Variants in MYRFL observed in about 807,000 individuals in gnomAD.
MYRFL encodes myelin regulatory factor-like protein.
MYRFL carries 88 observed loss-of-function variants against 109.4 expected under a neutral mutation model. The ratio of observed to expected loss-of-function variants is 0.80; its 90% CI spans 0.68 to 0.96. The LOEUF (loss-of-function observed/expected upper bound fraction) is 0.96. Ranked by LOEUF, MYRFL falls within the 40% of genes least tolerant of loss-of-function variation. The pLI is 0.00. For synonymous variants in MYRFL, 324 were observed against 320.9 expected (o/e 1.01, Z -0.10); for missense variants, 957 against 954.9 (o/e 1.00, Z -0.03).
In MYRFL at chr12:69,825,327, A is replaced by G. The variant is rs1882208100; in HGVS notation, c.-191A>G. ...TATGGTTGTATATCCTTCCAGTTTT[A>G]TAATCACATTTGAAAACTCAACCAT... On this transcript the variant is annotated 5_prime_UTR_variant, in exon 1 of 25. Coordinates refer to ENST00000552032, the MANE Select transcript of MYRFL (RefSeq NM_182530.3). The G allele has an allele frequency of 2.9e-6, 2 of 696,140 alleles. No individual in the cohort carries two copies. The highest frequency in any genetic ancestry group is 2.0e-5 in the Admixed American group (1 of 49,742). The allele number at this position is 696,140 out of a possible 1,614,324, so 43.1% of individuals were successfully genotyped here.
intron 11 of MYRFL, among the ~76,000 whole-genome samples, chr12:69,907,272 T>C (rs925703017): frequency 1.3e-5 from 2 of 152,222 alleles, no homozygotes; most frequent in African/African-American, 4.8e-5. Context: ...TTTTCTTGGC[T>C]GAAAATCTGT....
intron 5 of MYRFL, 46 bp downstream of exon 5, chr12:69,880,338 G>C (rs768555079): frequency 6.1e-5 from 42 of 690,328 alleles, no homozygotes; most frequent in Admixed American, 1.5e-4. Context: ...TCAAAGCCTT[G>C]GGCATTAAAG....
intron 2 of MYRFL, among the ~76,000 whole-genome samples, chr12:69,863,533 A>T (rs1381249024): frequency 1.3e-5 from 2 of 152,166 alleles, no homozygotes; most frequent in African/African-American, 2.4e-5. Context: ...TTACCACTTC[A>T]CATGAAAAGT....
intron 1 of MYRFL, among the ~76,000 whole-genome samples, chr12:69,835,930 A>G (rs1461517971): frequency 6.6e-6 from 1 of 152,212 alleles, no homozygotes; most frequent in East Asian, 1.9e-4. Flanking sequence ...TTTGCCGTCT[A>G]TAGGCTTGTG....
chr12:69,867,078 G>C (rs1262808), intron 2 of MYRFL, among the ~76,000 whole-genome samples: 101,441 of 152,130 alleles, frequency 0.67, 34,095 homozygotes, highest in Non-Finnish European at 0.7. Context: ...GTGAAGGTTT[G>C]TGTAAATTGC....
intron 10 of MYRFL, among the ~76,000 whole-genome samples, chr12:69,901,903 A>ATTTTTTTTTTTTTTTTTTT (rs1203678206): frequency 7.3e-6 from 1 of 137,502 alleles, no homozygotes. Context: ...GTTTTTTTTA[A>ATTTTTTTTTTTTTTTTTTT]ATTTTCTTGA....
Position 69,879,264 on chromosome 12 carries a change from C to G in MYRFL, c.275C>G (p.Ala92Gly). 1.4e-6 allele frequency: 1 copy of G among 702,924 alleles called. No individual in the cohort carries two copies. The highest frequency in any genetic ancestry group is 1.5e-5 in the South Asian group (1 of 67,594). 43.5% of individuals were successfully genotyped at this position (702,924 alleles called of 1,614,324 possible). Residue 92 changes from alanine to glycine, a missense_variant, in exon 4 of 25, where the codon GCT becomes GGT. Physicochemically the swap from Ala to Gly is moderately conservative, Grantham distance 60 (BLOSUM62 0). Coordinates refer to ENST00000552032, the MANE Select transcript of MYRFL (RefSeq NM_182530.3). ...GCTCCTTTTCTCCACCCCACAGCTGCTCCTGCGATGCCGCCCATGCACCCG... is the reference window on the plus strand; with the variant it reads ...GCTCCTTTTCTCCACCCCACAGCTGGTCCTGCGATGCCGCCCATGCACCCG... ...TPAPFLHPTA[A>G]PAMPPMHPLQ...
chr12:69,833,778 A>G (rs1418518021), intron 1 of MYRFL, among the ~76,000 whole-genome samples: 1 of 149,878 alleles, frequency 6.7e-6, no homozygotes, highest in African/African-American at 2.5e-5. Context: ...GAACATCTAT[A>G]GAGATAGTTG....
intron 3 of MYRFL, 42 bp downstream of exon 3, chr12:69,879,137 T>C: frequency 1.4e-6 from 1 of 702,672 alleles, no homozygotes; most frequent in Non-Finnish European, 2.6e-6. Flanking sequence ...ACTGTTGCTC[T>C]TCCTCCTCGA....
chr12:69,921,268 C>T (rs1954901690), intron 13 of MYRFL, among the ~76,000 whole-genome samples: 1 of 152,028 alleles, frequency 6.6e-6, no homozygotes, highest in South Asian at 2.1e-4. Flanking sequence ...TCTTCGAACT[C>T]CTAGCCTCAA....
intron 5 of MYRFL, among the ~76,000 whole-genome samples, chr12:69,883,315 A>C (rs1886244465): frequency 6.6e-6 from 1 of 152,212 alleles, no homozygotes. Flanking sequence ...CATGTCCTGC[A>C]ACCCATAGAT....
At chr12:69,893,719 T>C in intron 7 of MYRFL, 45 bp from the exon 8 acceptor site, 1 of 1,164,286 alleles carries the variant, frequency 8.6e-7, no homozygotes. Flanking sequence ...TGATTAACAT[T>C]TTAATTAATT....
intron 7 of MYRFL, among the ~76,000 whole-genome samples, chr12:69,893,180 T>C (rs889484246): frequency 2.0e-5 from 3 of 152,240 alleles, no homozygotes; most frequent in Admixed American, 6.5e-5. Flanking sequence ...TTTGTTACAA[T>C]GTGAATACCC....
intron 5 of MYRFL, among the ~76,000 whole-genome samples, chr12:69,882,982 C>T (rs73130099): frequency 0.051 from 7,760 of 152,228 alleles, 287 homozygotes; most frequent in Non-Finnish European, 0.074. Context: ...TTGACTTTAC[C>T]CATCTCTAAG....
At chr12:69,841,015 T>C (rs6581907) in intron 1 of MYRFL, among the ~76,000 whole-genome samples, 48,180 of 152,112 alleles carry the variant, frequency 0.32, 7,957 homozygotes, top group Admixed American at 0.38. Flanking sequence ...AATTCAGTTA[T>C]TATTTCCAAC....
intron 2 of MYRFL, among the ~76,000 whole-genome samples, chr12:69,875,420 G>T (rs897623500): frequency 4.0e-5 from 6 of 151,830 alleles, no homozygotes; most frequent in African/African-American, 1.5e-4. Context: ...GCTTCTTATA[G>T]TAGCTGCTTT....
intron 19 of MYRFL, among the ~76,000 whole-genome samples, chr12:69,943,629 A>ACTT (rs1341127263): frequency 1.3e-5 from 2 of 151,358 alleles, no homozygotes; most frequent in Non-Finnish European, 3.0e-5. Flanking sequence ...ATGGGCAAGG[A>ACTT]CTTCATGTCT....
intron 19 of MYRFL, among the ~76,000 whole-genome samples, chr12:69,938,667 T>G (rs557629779): frequency 5.9e-5 from 9 of 152,224 alleles, no homozygotes; most frequent in African/African-American, 2.2e-4. Flanking sequence ...AAAAAAAATT[T>G]TAAATAAAAA....
rs76952243 is a variant in MYRFL at position 69,849,397 on chromosome 12, A to C, written c.47-5883A>C. Reference sequence around the variant, plus strand: ...CTTTTAATGTTGAATTTCATTTGACAGCATTTTATTTAGGATTTGAGTATA... The same window carrying C: ...CTTTTAATGTTGAATTTCATTTGACCGCATTTTATTTAGGATTTGAGTATA... On this transcript the variant is annotated intron_variant, in intron 1 of 24. Transcript: ENST00000552032. Among the ~76,000 whole-genome samples, 409 of 152,358 alleles carry C rather than the reference A, an allele frequency of 2.7e-3. 13 individuals carry two copies. The East Asian group carries it at 0.067, about 25-fold the overall frequency.
Sources: allele counts gnomAD v4.1 joint callset (sites outside exome capture counted in the v4.1 genomes callset), GRCh38; gene constraint gnomAD v4.1.1; transcripts MANE v1.5; gene names NCBI Gene and HGNC (gene_info 2026-07-23, HGNC 2026-07-21).